Variants in CNTNAP2 observed in about 807,000 individuals in gnomAD.
CNTNAP2 encodes the protein contactin-associated protein-like 2.
Under a neutral mutation model 155.2 loss-of-function variants are expected in CNTNAP2, and 98 were observed. The observed-to-expected ratio is 0.63, with a 90% CI of 0.54 to 0.75. CNTNAP2 has a LOEUF of 0.75. Among genes scored for constraint, CNTNAP2 ranks in the 30% least tolerant of loss-of-function variants. The pLI is 0.00. For missense variants in CNTNAP2, 1,727 were observed against 1,688.1 expected (o/e 1.02, Z -0.40); for synonymous variants, 651 against 631.2 (o/e 1.03, Z -0.47).
intron 3 of CNTNAP2, among the ~76,000 whole-genome samples, chr7:146,985,970 G>A (rs1411255028): frequency 6.6e-6 from 1 of 151,600 alleles, no homozygotes; most frequent in African/African-American, 2.4e-5. Flanking sequence ...ATGATTTTTT[G>A]GTAACACTTT....
chr7:146,187,964 A>T (rs1250547388), intron 1 of CNTNAP2, among the ~76,000 whole-genome samples: 1 of 152,186 alleles, frequency 6.6e-6, no homozygotes, highest in African/African-American at 2.4e-5. Flanking sequence ...TGTGAGCAGA[A>T]CAGTTCCTCT....
chr7:146,121,872 A>G (rs1797568424), intron 1 of CNTNAP2, among the ~76,000 whole-genome samples: 1 of 152,206 alleles, frequency 6.6e-6, no homozygotes, highest in South Asian at 2.1e-4. Flanking sequence ...AATCATTTAT[A>G]TACAGCTGTT....
chr7:147,935,276 G>A (rs535583486), intron 14 of CNTNAP2, among the ~76,000 whole-genome samples: 16 of 152,024 alleles, frequency 1.1e-4, no homozygotes, highest in African/African-American at 2.7e-4. Flanking sequence ...ACAGGCACAC[G>A]TCACCACACC....
At chr7:146,787,386 A>C (rs1256705937) in intron 2 of CNTNAP2, among the ~76,000 whole-genome samples, 1 of 151,954 alleles carries the variant, frequency 6.6e-6, no homozygotes, top group Non-Finnish European at 1.5e-5. Context: ...AGACGTCCAG[A>C]TGTGTCTGGA....
chr7:146,933,677 G>A (rs766473279), intron 3 of CNTNAP2, among the ~76,000 whole-genome samples: 277 of 148,874 alleles, frequency 1.9e-3, no homozygotes, highest in African/African-American at 4.5e-3. Flanking sequence ...GAAAATTTTC[G>A]CAACCTACTC....
chr7:148,019,418 G>A (rs973729998), intron 15 of CNTNAP2, among the ~76,000 whole-genome samples: 10 of 152,074 alleles, frequency 6.6e-5, no homozygotes, highest in African/African-American at 2.4e-4. Flanking sequence ...TCAGTTCCTT[G>A]TTGTAATCTC....
At chr7:147,114,366 G>A (rs1215332470) in intron 5 of CNTNAP2, among the ~76,000 whole-genome samples, 1 of 152,142 alleles carries the variant, frequency 6.6e-6, no homozygotes, top group Non-Finnish European at 1.5e-5. Context: ...GGATGTCTTT[G>A]TTAATTTTCT....
intron 1 of CNTNAP2, among the ~76,000 whole-genome samples, chr7:146,524,234 A>G (rs1231241963): frequency 6.6e-6 from 1 of 151,984 alleles, no homozygotes; most frequent in Non-Finnish European, 1.5e-5. Context: ...TAATCCCATA[A>G]TTTTTCCTTA....
At chr7:146,954,057 T>C (rs1300829337) in intron 3 of CNTNAP2, among the ~76,000 whole-genome samples, 1 of 151,954 alleles carries the variant, frequency 6.6e-6, no homozygotes, top group East Asian at 1.9e-4. Flanking sequence ...AAAGCAACTC[T>C]TATTTCATTT....
intron 1 of CNTNAP2, among the ~76,000 whole-genome samples, chr7:146,321,893 T>A (rs969902759): frequency 1.1e-4 from 17 of 152,172 alleles, no homozygotes; most frequent in African/African-American, 3.9e-4. Context: ...TATTTCTTTT[T>A]TTCACAGCAA....
chr7:146,787,518 G>A (rs189698211), intron 2 of CNTNAP2, among the ~76,000 whole-genome samples: 2 of 152,256 alleles, frequency 1.3e-5, no homozygotes, highest in Admixed American at 1.3e-4. Flanking sequence ...TGGTGGGTTC[G>A]TGGTCTCCCT....
At chr7:146,669,273 C>T (rs1800254772) in intron 1 of CNTNAP2, among the ~76,000 whole-genome samples, 1 of 152,228 alleles carries the variant, frequency 6.6e-6, no homozygotes, top group African/African-American at 2.4e-5. Context: ...AGCCCACCTT[C>T]TCCATTAGTA....
intron 3 of CNTNAP2, among the ~76,000 whole-genome samples, chr7:146,934,038 C>T (rs1310751849): frequency 6.6e-6 from 1 of 152,090 alleles, no homozygotes; most frequent in Non-Finnish European, 1.5e-5. Flanking sequence ...TGTGGCGTTT[C>T]CTCAGGGATC....
At chr7:146,294,818 G>A (rs1800486353) in intron 1 of CNTNAP2, among the ~76,000 whole-genome samples, 1 of 152,074 alleles carries the variant, frequency 6.6e-6, no homozygotes. Flanking sequence ...ATATTGGGAT[G>A]CGATATAGTA....
Position 147,304,605 on chromosome 7 carries a change from C to CA in CNTNAP2, c.1498+4317dup, listed in dbSNP as rs1794994985. Reference sequence around the variant, plus strand: ...ACTGGAAGAGGAGTTCTAAAGAACTCAATGGGGAAGCAGGCAGGTCTTAGG... The same window carrying CA: ...ACTGGAAGAGGAGTTCTAAAGAACTCAAATGGGGAAGCAGGCAGGTCTTAGG... On this transcript the variant is annotated intron_variant, in intron 9 of 23. Transcript: ENST00000361727. Among the ~76,000 whole-genome samples the CA allele has an allele frequency of 1.3e-5, 2 of 151,956 alleles. 1 individual carries two copies. Among genetic ancestry groups the CA allele is most frequent in the South Asian group, 4.1e-4 (2 of 4,820 alleles).
intron 16 of CNTNAP2, among the ~76,000 whole-genome samples, chr7:148,132,116 A>C (rs2116629540): frequency 6.6e-6 from 1 of 152,350 alleles, no homozygotes; most frequent in Middle Eastern, 3.4e-3. Flanking sequence ...AATCTATAAA[A>C]ATTTTAAAAC....
At chr7:147,128,871 A>T in intron 7 of CNTNAP2, 35 bp downstream of exon 7, 1 of 1,613,288 alleles carries the variant, frequency 6.2e-7, no homozygotes, top group Non-Finnish European at 8.5e-7. Flanking sequence ...TTGGTCTATA[A>T]AATATCAAGT....
intron 21 of CNTNAP2, among the ~76,000 whole-genome samples, chr7:148,381,806 A>G (rs887841305): frequency 1.3e-5 from 2 of 152,158 alleles, no homozygotes; most frequent in Non-Finnish European, 2.9e-5. Context: ...TATTATTATC[A>G]CATGGCCCTG....
chr7:146,168,723 T>C (rs369377206), intron 1 of CNTNAP2, among the ~76,000 whole-genome samples: 26 of 152,326 alleles, frequency 1.7e-4, no homozygotes, highest in African/African-American at 5.8e-4. Context: ...ATTTCAAACC[T>C]GAAATATTGC....
Sources: gnomAD v4.1 joint callset for allele counts (sites outside exome capture counted in the v4.1 genomes callset) on GRCh38, gnomAD v4.1.1 for gene constraint, MANE v1.5 for transcripts, NCBI Gene and HGNC (gene_info 2026-07-23, HGNC 2026-07-21) for gene names.